The following SASH1 variants were observed in gnomAD, a reference collection of about 807,000 sequenced individuals.
The protein encoded by SASH1 is SAM and SH3 domain-containing protein 1.
SASH1 carries 44 observed loss-of-function variants against 125.2 expected under a neutral mutation model. The observed-to-expected ratio is 0.35, with a 90% CI of 0.28 to 0.45. The LOEUF is 0.45. SASH1 is among the 20% of genes least tolerant of loss of function. The probability of loss-of-function intolerance (pLI) is 1.00; values close to 1 mark genes in which losing one functional copy is unlikely to be tolerated. For missense variants in SASH1, 1,426 were observed against 1,614.5 expected, an observed-to-expected ratio of 0.88 and a Z score of 2.00; for synonymous variants, 639 against 649.1, an observed-to-expected ratio of 0.98 and a Z score of 0.24.
chr6:148,376,941 C>T (rs987986081), intron 1 of SASH1, among the ~76,000 whole-genome samples: 59 of 151,582 alleles, frequency 3.9e-4, no homozygotes, highest in Admixed American at 7.9e-4. Flanking sequence ...GAGGCCGAGG[C>T]GGGCGGATCA....
intron 4 of SASH1, among the ~76,000 whole-genome samples, chr6:148,449,996 G>A (rs1240836714): frequency 5.3e-5 from 8 of 152,048 alleles, no homozygotes; most frequent in Non-Finnish European, 8.8e-5. Context: ...ATCTGCTCCC[G>A]TGACCCAACA....
rs1341615303 is a variant in SASH1 at position 148,513,671 on chromosome 6, A to C, written c.730-653A>C. On this transcript the variant is annotated intron_variant, in intron 8 of 19. Coordinates refer to ENST00000367467, the MANE Select transcript of SASH1 (RefSeq NM_015278.5). The stretch of plus-strand genomic sequence containing the variant: ...AATATGGACTGTACTGTATGGCTGA[A>C]AGGTCAGCTTTTTCCCTTGTCTCTC... The C allele has an allele frequency of 3.0e-6, 3 of 985,528 alleles. No homozygotes were observed. In the East Asian group the frequency reaches 3.4e-4, roughly 112 times the overall value. 61.0% of individuals were successfully genotyped at this position (985,528 alleles called of 1,614,324 possible).
At chr6:148,308,598 G>A (rs1178836795) in intron 1 of SASH1, among the ~76,000 whole-genome samples, 47 of 151,160 alleles carry the variant, frequency 3.1e-4, no homozygotes, top group Admixed American at 1.1e-3. Flanking sequence ...GTTTCACCAC[G>A]TTGGTGAGGC....
intron 1 of SASH1, among the ~76,000 whole-genome samples, chr6:148,284,053 T>C (rs1779418571): frequency 6.6e-6 from 1 of 152,136 alleles, no homozygotes; most frequent in South Asian, 2.1e-4. Context: ...AAGGATATAA[T>C]CATTCCAATG....
chr6:148,426,526 CAG>C (rs1157620904), intron 2 of SASH1, among the ~76,000 whole-genome samples: 2 of 152,152 alleles, frequency 1.3e-5, no homozygotes, highest in Admixed American at 6.5e-5. Flanking sequence ...CAGAGCTGAG[CAG>C]AGTTACCCAG....
chr6:148,207,180 C>T, the SASH1 span, among the ~76,000 whole-genome samples: 2 of 152,198 alleles, frequency 1.3e-5, no homozygotes, highest in Non-Finnish European at 2.9e-5. Context: ...GCAGCACTGT[C>T]CCCTGGCCCC....
At chr6:148,509,965 A>C (rs1238561972) in intron 8 of SASH1, among the ~76,000 whole-genome samples, 1 of 152,248 alleles carries the variant, frequency 6.6e-6, no homozygotes, top group East Asian at 1.9e-4. Flanking sequence ...TCCGGGTGCC[A>C]GACGGGCCCC....
At chr6:148,426,582 T>C (rs986803669) in intron 2 of SASH1, among the ~76,000 whole-genome samples, 10 of 152,196 alleles carry the variant, frequency 6.6e-5, no homozygotes, top group African/African-American at 2.4e-4. Context: ...GTTGTACCTG[T>C]GGCTTAGAGT....
intron 1 of SASH1, among the ~76,000 whole-genome samples, chr6:148,300,293 TTATC>T (rs1230971274): frequency 6.6e-6 from 1 of 152,132 alleles, no homozygotes; most frequent in East Asian, 1.9e-4. Flanking sequence ...ATGTTAAAAG[TTATC>T]CACTCTGACT....
Position 148,326,359 on chromosome 6 carries a change from C to CAT in SASH1, n.74+53996_74+53997dup, listed in dbSNP as rs1212032481. Among the ~76,000 whole-genome samples, 77 of 14,600 alleles carry CAT rather than the reference C, an allele frequency of 5.3e-3. 4 individuals carry two copies. Among genetic ancestry groups the CAT allele is most frequent in the Admixed American group, 0.029 (27 of 916 alleles). 9.6% of individuals were successfully genotyped at this position (14,600 alleles called of 152,430 possible). A position where few individuals can be genotyped will look rare whatever the true frequency, so the allele number is the denominator to read the frequency against. On this transcript the variant is annotated intron_variant and non_coding_transcript_variant, in intron 1 of 3. Coordinates refer to the SASH1 transcript ENST00000367469. ...ATATATATATATATATATATATATG[C>CAT]ATATATATATATATACATTCTTTTC...
At chr6:148,371,413 C>T (rs1380193037) in intron 1 of SASH1, among the ~76,000 whole-genome samples, 1 of 151,810 alleles carries the variant, frequency 6.6e-6, no homozygotes, top group East Asian at 1.9e-4. Context: ...CCCGCCAGTA[C>T]ACCTAGCTAA....
rs772374377 is a variant in SASH1, at chr6:148,544,323, C to T, written c.2853C>T (p.His951=). 20 of 1,614,156 alleles carry T rather than the reference C, an allele frequency of 1.2e-5. No individual in the cohort carries two copies. The highest frequency in any genetic ancestry group is 3.3e-5 in the South Asian group (3 of 91,074). The part of the protein sequence containing the change: ...HGLARTPLEG[H]RKGHEFEGTH... ...TAGCAAGGACGCCTCTGGAGGGCCACAGAAAAGGACACGAGTTTGAAGGAA... is the reference window on the plus strand; with the variant it reads ...TAGCAAGGACGCCTCTGGAGGGCCATAGAAAAGGACACGAGTTTGAAGGAA... The change falls in exon 18 of 20, where the codon CAC becomes CAT. Residue 951 remains histidine (H), a synonymous_variant. Transcript: ENST00000367467. The surrounding 1 kb of genome is among the most constrained non-coding windows in gnomAD (Gnocchi z 6.4).
At chr6:148,507,025 G>T (rs1436988754) in intron 8 of SASH1, among the ~76,000 whole-genome samples, 1 of 152,158 alleles carries the variant, frequency 6.6e-6, no homozygotes, top group East Asian at 1.9e-4. Flanking sequence ...CACCTGGTCC[G>T]TCAGATGGTG....
intron 1 of SASH1, among the ~76,000 whole-genome samples, chr6:148,334,495 G>A (rs1325308046): frequency 6.7e-6 from 1 of 148,520 alleles, no homozygotes; most frequent in Non-Finnish European, 1.5e-5. Flanking sequence ...GAGGTGAAGG[G>A]AAGTGGATGA....
chr6:148,348,484 T>C (rs1781589812), intron 1 of SASH1, among the ~76,000 whole-genome samples: 1 of 152,190 alleles, frequency 6.6e-6, no homozygotes, highest in Non-Finnish European at 1.5e-5. Context: ...TGAGGTCCTT[T>C]GCATGCAGCT....
At chr6:148,483,904 A>G (rs1174069482) in intron 7 of SASH1, among the ~76,000 whole-genome samples, 2 of 152,246 alleles carry the variant, frequency 1.3e-5, no homozygotes, top group African/African-American at 4.8e-5. Context: ...TATAGAGTCC[A>G]TAGGAGGTTT....
At chr6:148,289,510 T>TTTTTAC (rs1250469504) in intron 1 of SASH1, among the ~76,000 whole-genome samples, 4 of 152,170 alleles carry the variant, frequency 2.6e-5, no homozygotes, top group African/African-American at 9.7e-5. Flanking sequence ...GCATCTCTGG[T>TTTTTAC]GGATTTGTCT....
At chr6:148,301,338 A>C (rs1250911501) in intron 1 of SASH1, among the ~76,000 whole-genome samples, 25 of 151,672 alleles carry the variant, frequency 1.6e-4, no homozygotes, top group Admixed American at 1.6e-3. Flanking sequence ...AAAAAAAAAA[A>C]AAAAAAAAAC....
rs774033895 is a variant in SASH1, at chr6:148,544,789, G to A, written c.3319G>A (p.Asp1107Asn). The stretch of plus-strand genomic sequence containing the variant: ...AAACAAGCTGCACGCTGAAGGCATC[G>A]ATCTCACGGAGGAGCCGTATTCTGA... ...TENKLHAEGI[D>N]LTEEPYSDKH... Residue 1107 changes from aspartate to asparagine, a missense_variant, in exon 18 of 20, where the codon GAT becomes AAT. By Grantham distance (23) the Asp-to-Asn change is conservative. Transcript: ENST00000367467. The surrounding 1 kb of genome is among the most constrained non-coding windows in gnomAD (Gnocchi z 6.4). 26 of 1,597,932 alleles carry A rather than the reference G, an allele frequency of 1.6e-5. No individual in the cohort carries two copies. Among genetic ancestry groups the A allele is most frequent in the Admixed American group, 3.5e-5 (2 of 57,236 alleles).
Sources: allele counts gnomAD v4.1 joint callset (sites outside exome capture counted in the v4.1 genomes callset), GRCh38; gene constraint gnomAD v4.1.1; non-coding constraint Gnocchi (gnomAD v3.1); transcripts MANE v1.5; gene names NCBI Gene and HGNC (gene_info 2026-07-23, HGNC 2026-07-21).